RABEP1: variants seen among roughly 807,000 people sequenced by gnomAD.
RABEP1 encodes the protein rab GTPase-binding effector protein 1.
RABEP1 carries 51 observed loss-of-function variants against 123.4 expected under a neutral mutation model. That is an observed-to-expected ratio of 0.41 (90% confidence interval 0.33 to 0.52). The LOEUF (loss-of-function observed/expected upper bound fraction) is 0.52, where lower values mean the gene tolerates loss of function less well. RABEP1 is among the 20% of genes least tolerant of loss of function. The pLI, the probability that RABEP1 is intolerant of heterozygous loss-of-function variation, is 0.16. For missense variants in RABEP1, 888 were observed against 996.3 expected (o/e 0.89, Z 1.46); for synonymous variants, 347 against 355.2 (o/e 0.98, Z 0.26).
At chr17:5,296,530 G>T (rs568660695) in intron 1 of RABEP1, among the ~76,000 whole-genome samples, 1 of 152,150 alleles carries the variant, frequency 6.6e-6, no homozygotes, top group Admixed American at 6.5e-5. Flanking sequence ...CAAAGTGCTG[G>T]GATTACAGGT....
At chr17:5,380,517 C>A in intron 16 of RABEP1, 55 bp downstream of exon 16, 1 of 1,326,702 alleles carries the variant, frequency 7.5e-7, no homozygotes, top group Non-Finnish European at 1.1e-6. Flanking sequence ...AATGCAGGAT[C>A]ACATCTTGCT....
chr17:5,379,557 G>A (rs532405672), intron 15 of RABEP1, among the ~76,000 whole-genome samples: 1 of 152,260 alleles, frequency 6.6e-6, no homozygotes, highest in African/African-American at 2.4e-5. Context: ...ACCTGCTGCA[G>A]TCTGCCTCCT....
chr17:5,327,574 A>G (rs1489626440), intron 2 of RABEP1, among the ~76,000 whole-genome samples: 1 of 152,130 alleles, frequency 6.6e-6, no homozygotes, highest in African/African-American at 2.4e-5. Flanking sequence ...GTCTCACAGT[A>G]TATATGGAGT....
At chr17:5,330,824 A>C (rs1906461160) in intron 2 of RABEP1, among the ~76,000 whole-genome samples, 1 of 151,988 alleles carries the variant, frequency 6.6e-6, no homozygotes. Context: ...GGAGGCCAAG[A>C]CCAGCCTGGG....
chr17:5,352,779 C>T (rs1024126487), intron 7 of RABEP1, among the ~76,000 whole-genome samples: 1 of 152,002 alleles, frequency 6.6e-6, no homozygotes, highest in South Asian at 2.1e-4. Flanking sequence ...TGCAGTGAGC[C>T]GAGATCACAT....
At chr17:5,346,964 C>T in intron 6 of RABEP1, 39 bp downstream of exon 6, 1 of 1,482,828 alleles carries the variant, frequency 6.7e-7, no homozygotes, top group Non-Finnish European at 9.1e-7. Flanking sequence ...TCTCTAAGAA[C>T]CATATAAGTT....
At chr17:5,286,987 T>A (rs1285809097) in intron 1 of RABEP1, among the ~76,000 whole-genome samples, 1 of 152,162 alleles carries the variant, frequency 6.6e-6, no homozygotes, top group Non-Finnish European at 1.5e-5. Flanking sequence ...TGGAAGGGTG[T>A]TCTAGGCAGG....
At chr17:5,314,943 G>A (rs2075281968) in intron 2 of RABEP1, among the ~76,000 whole-genome samples, 1 of 152,154 alleles carries the variant, frequency 6.6e-6, no homozygotes, top group South Asian at 2.1e-4. Flanking sequence ...TGTAGTGTTG[G>A]CAATGAGTAA....
chr17:5,342,518 G>A lies in RABEP1; in HGVS notation c.649-4272G>A, dbSNP rs1907703317. 2.0e-5 allele frequency among the ~76,000 whole-genome samples: 3 copies of A among 152,126 alleles called. No homozygotes were observed. In the South Asian group the frequency reaches 6.2e-4, roughly 32 times the overall value. On this transcript the variant is annotated intron_variant, in intron 5 of 17. Coordinates refer to ENST00000537505, the MANE Select transcript of RABEP1 (RefSeq NM_004703.6). ...TCGAGCATGGTTGCGGAAGCCTGTA[G>A]TGCCAATCTCTCAGGAGGCAGAGGT...
At chr17:5,348,188 A>G (rs558161699) in intron 6 of RABEP1, among the ~76,000 whole-genome samples, 1 of 152,280 alleles carries the variant, frequency 6.6e-6, no homozygotes, top group South Asian at 2.1e-4. Flanking sequence ...CGTGTTGGTC[A>G]GGCTGGTCTT....
intron 13 of RABEP1, 102 bp from the exon 14 acceptor site, chr17:5,377,014 A>G (rs1597298825): frequency 8.1e-7 from 1 of 1,236,144 alleles, no homozygotes; most frequent in African/African-American, 1.5e-5. Context: ...TAATTTTTGA[A>G]CCATTAAAAC....
chr17:5,372,646 GT>G (rs1196034920), intron 12 of RABEP1, among the ~76,000 whole-genome samples: 4 of 152,224 alleles, frequency 2.6e-5, no homozygotes, highest in Non-Finnish European at 5.9e-5. Context: ...GGAAATGGGA[GT>G]TGTCTTAGAG....
intron 1 of RABEP1, among the ~76,000 whole-genome samples, chr17:5,291,674 G>C (rs539688566): frequency 1.3e-5 from 2 of 152,228 alleles, no homozygotes; most frequent in East Asian, 3.9e-4. Context: ...TTGGGAGTCT[G>C]AGGTAGGTGG....
rs1233129902 is a variant in RABEP1, at chr17:5,384,214, T to G, written c.*991T>G. 4.7e-6 allele frequency: 1 copy of G among 215,032 alleles called. No individual in the cohort carries two copies. The highest frequency in any genetic ancestry group is 9.4e-6 in the Non-Finnish European group (1 of 106,708). The allele number at this position is 215,032 out of a possible 1,614,324, so 13.3% of individuals were successfully genotyped here. On this transcript the variant is annotated 3_prime_UTR_variant, in exon 18 of 18. Transcript: ENST00000537505. ...GACCTGGAATGTAAGTAAGTGACAA[T>G]GCTTATGGAAAGCCAGTTAGTTAGA...
chr17:5,343,673 T>C (rs897044941), intron 5 of RABEP1, among the ~76,000 whole-genome samples: 1 of 105,498 alleles, frequency 9.5e-6, no homozygotes, highest in African/African-American at 4.7e-5. Flanking sequence ...CTTTTCTCTT[T>C]TTTTTTTTTT....
intron 2 of RABEP1, among the ~76,000 whole-genome samples, chr17:5,312,071 G>A (rs565881354): frequency 3.9e-5 from 6 of 152,292 alleles, no homozygotes; most frequent in African/African-American, 1.4e-4. Context: ...GTTGAAAGAG[G>A]ACTTGCGTCC....
chr17:5,360,958 A>AT, intron 8 of RABEP1: 1 of 483,312 alleles, frequency 2.1e-6, no homozygotes, highest in Middle Eastern at 5.7e-4. Flanking sequence ...CTGCTTACTT[A>AT]TCTTTTTTTT....
intron 2 of RABEP1, among the ~76,000 whole-genome samples, chr17:5,327,113 C>T (rs1349426434): frequency 5.9e-5 from 9 of 152,026 alleles, no homozygotes; most frequent in Non-Finnish European, 1.0e-4. Flanking sequence ...TTTGGGAGGC[C>T]GAGGTGGGCG....
chr17:5,365,890 C>T (rs913191390), intron 11 of RABEP1, among the ~76,000 whole-genome samples: 2 of 152,198 alleles, frequency 1.3e-5, no homozygotes, highest in Admixed American at 6.5e-5. Flanking sequence ...TATCATTATA[C>T]GGATATACCG....
Sources: gnomAD v4.1 joint callset for allele counts (sites outside exome capture counted in the v4.1 genomes callset) on GRCh38, gnomAD v4.1.1 for gene constraint, MANE v1.5 for transcripts, NCBI Gene and HGNC (gene_info 2026-07-23, HGNC 2026-07-21) for gene names.